APBA1: variants seen among roughly 807,000 people sequenced by gnomAD.
APBA1 encodes the protein amyloid-beta A4 precursor protein-binding family A member 1.
Under a neutral mutation model 86.6 loss-of-function variants are expected in APBA1, and 55 were observed. That is an observed-to-expected ratio of 0.64 (90% CI 0.51 to 0.80). The LOEUF is 0.80. APBA1 is among the 30% of genes least tolerant of loss of function. APBA1 has a pLI of 0.00. For missense variants in APBA1, 1,090 were observed against 1,183.0 expected (o/e 0.92, Z 1.15); for synonymous variants, 511 against 493.9 (o/e 1.03, Z -0.46).
chr9:69,446,849 G>A (rs1834917672), intron 10 of APBA1, among the ~76,000 whole-genome samples: 1 of 152,150 alleles, frequency 6.6e-6, no homozygotes, highest in South Asian at 2.1e-4. Flanking sequence ...GAGTCTTAAG[G>A]GCCTCAGGAA....
intron 2 of APBA1, among the ~76,000 whole-genome samples, chr9:69,513,901 T>C (rs1588332392): frequency 6.6e-6 from 1 of 152,212 alleles, no homozygotes; most frequent in East Asian, 1.9e-4. Flanking sequence ...AATCATAAAA[T>C]GCAGAATTAA....
At position 69,668,521 on chromosome 9, in the gene APBA1, T is replaced by A. The variant is rs142559090; in HGVS notation, c.-70+3632A>T. Among the ~76,000 whole-genome samples, 49 of 152,290 alleles carry A rather than the reference T, an allele frequency of 3.2e-4. 1 individual carries two copies. In the East Asian group the frequency reaches 7.5e-3, roughly 23 times the overall value. On this transcript the variant is annotated intron_variant, in intron 1 of 12. Transcript: ENST00000265381. ...TCTCCCTCCTGCCAGCCTTTTCCCA[T>A]GTCATTCCATCCAACATAATACTAC...
At chr9:69,451,826 T>C (rs1835015001) in intron 9 of APBA1, among the ~76,000 whole-genome samples, 1 of 152,200 alleles carries the variant, frequency 6.6e-6, no homozygotes, top group African/African-American at 2.4e-5. Context: ...TAGATTGCAG[T>C]GTTTGTACAA....
At chr9:69,442,089 A>G (rs1484419942) in intron 10 of APBA1, among the ~76,000 whole-genome samples, 1 of 152,122 alleles carries the variant, frequency 6.6e-6, no homozygotes, top group East Asian at 1.9e-4. Flanking sequence ...TGTCAGCTTC[A>G]CCCTAGAGGA....
intron 1 of APBA1, among the ~76,000 whole-genome samples, chr9:69,530,317 T>C (rs1231710173): frequency 4.5e-5 from 6 of 131,886 alleles, no homozygotes; most frequent in African/African-American, 1.4e-4. Flanking sequence ...TATATATATA[T>C]ATATATATAT....
At chr9:69,605,774 T>A (rs1471172832) in intron 1 of APBA1, among the ~76,000 whole-genome samples, 1 of 152,246 alleles carries the variant, frequency 6.6e-6, no homozygotes, top group Non-Finnish European at 1.5e-5. Context: ...ATTAAATTTA[T>A]TTTTAAATCA....
chr9:69,538,372 T>A (rs1836547260), intron 1 of APBA1, among the ~76,000 whole-genome samples: 2 of 152,338 alleles, frequency 1.3e-5, no homozygotes, highest in Admixed American at 6.5e-5. Context: ...GTGGAAAATC[T>A]GTGCTGATTT....
At chr9:69,446,865 G>A (rs1834918096) in intron 10 of APBA1, among the ~76,000 whole-genome samples, 1 of 152,220 alleles carries the variant, frequency 6.6e-6, no homozygotes, top group African/African-American at 2.4e-5. Context: ...AGGAAGCGCG[G>A]CTTGTTCCTG....
In APBA1 at chr9:69,493,498, C is replaced by T. The variant is rs116679389; in HGVS notation, c.1201-17355G>A. On this transcript the variant is annotated intron_variant, in intron 2 of 12. Coordinates refer to ENST00000265381, the MANE Select transcript of APBA1 (RefSeq NM_001163.4). ...AAGCCCCTCTTGTAAGAACTATCTG[C>T]ATGCATTGTGTTTGTACCATTCTTA... Among the ~76,000 whole-genome samples, 1,226 of 152,194 alleles carry T rather than the reference C, an allele frequency of 8.1e-3. 25 individuals are homozygous for T. Among genetic ancestry groups the T allele is most frequent in the African/African-American group, 0.028 (1,179 of 41,520 alleles).
intron 1 of APBA1, among the ~76,000 whole-genome samples, chr9:69,540,264 T>C (rs1836584050): frequency 6.6e-6 from 1 of 152,196 alleles, no homozygotes; most frequent in Non-Finnish European, 1.5e-5. Flanking sequence ...ATATATTACA[T>C]ATTTATTTAT....
intron 1 of APBA1, among the ~76,000 whole-genome samples, chr9:69,520,676 C>G (rs1223903144): frequency 6.6e-6 from 1 of 152,154 alleles, no homozygotes; most frequent in Non-Finnish European, 1.5e-5. Flanking sequence ...CCTTCCCTAC[C>G]CACCCTCGCT....
At chr9:69,606,561 G>A (rs1273942410) in intron 1 of APBA1, among the ~76,000 whole-genome samples, 9 of 131,602 alleles carry the variant, frequency 6.8e-5, no homozygotes, top group Admixed American at 2.0e-4. Flanking sequence ...GCACGATCTC[G>A]GCTCACTGCA....
chr9:69,470,328 C>T (rs181116424), intron 4 of APBA1, among the ~76,000 whole-genome samples: 4 of 152,242 alleles, frequency 2.6e-5, no homozygotes, highest in East Asian at 1.9e-4. Context: ...TTTGGCCTTT[C>T]GGAACATGGT....
chr9:69,551,751 A>G (rs1836788840), intron 1 of APBA1, among the ~76,000 whole-genome samples: 1 of 152,200 alleles, frequency 6.6e-6, no homozygotes, highest in Non-Finnish European at 1.5e-5. Context: ...GCAAGGAGAA[A>G]CAAGGCTGTT....
At chr9:69,499,666 C>CAAA (rs71356111) in intron 2 of APBA1, among the ~76,000 whole-genome samples, 8 of 143,024 alleles carry the variant, frequency 5.6e-5, no homozygotes, top group African/African-American at 1.6e-4. Flanking sequence ...AGCAACGGTC[C>CAAA]AAAAAAAAAA....
intron 1 of APBA1, among the ~76,000 whole-genome samples, chr9:69,553,050 T>C (rs1320751170): frequency 6.6e-6 from 1 of 152,022 alleles, no homozygotes; most frequent in African/African-American, 2.4e-5. Flanking sequence ...AATACAGGCA[T>C]GTGCCACTAC....
intron 1 of APBA1, among the ~76,000 whole-genome samples, chr9:69,543,555 C>T (rs572158787): frequency 1.3e-5 from 2 of 152,278 alleles, no homozygotes; most frequent in Admixed American, 1.3e-4. Context: ...AAGGTCATGC[C>T]AGTCAAAAGC....
chr9:69,512,312 A>T (rs1836063117), intron 2 of APBA1, among the ~76,000 whole-genome samples: 1 of 152,102 alleles, frequency 6.6e-6, no homozygotes, highest in Non-Finnish European at 1.5e-5. Flanking sequence ...TAGCAATCCC[A>T]TTTTCTCTCT....
At chr9:69,658,304 C>CTTTCTCTCTCTCTTTCTTTCTTTCTT (rs1554709959) in intron 1 of APBA1, among the ~76,000 whole-genome samples, 3 of 79,944 alleles carry the variant, frequency 3.8e-5, no homozygotes, top group African/African-American at 9.6e-5. Context: ...TTCTCTCTCT[C>CTTTCTCTCTCTCTTTCTTTCTTTCTT]TCTTTCTTTC....
Sources: gnomAD v4.1 joint callset for allele counts (sites outside exome capture counted in the v4.1 genomes callset) on GRCh38, gnomAD v4.1.1 for gene constraint, MANE v1.5 for transcripts, NCBI Gene and HGNC (gene_info 2026-07-23, HGNC 2026-07-21) for gene names.